SLC39A11: variants seen among roughly 807,000 people sequenced by gnomAD.
SLC39A11 encodes solute carrier family 39 member 11.
A neutral mutation model predicts 36.1 loss-of-function variants in SLC39A11; 33 were observed. The observed-to-expected ratio is 0.91, with a 90% CI of 0.69 to 1.22. The LOEUF is 1.22. Among genes scored for constraint, SLC39A11 ranks in the 50% most tolerant of loss-of-function variants. The pLI is 0.00. For missense variants in SLC39A11, 432 were observed against 430.3 expected (o/e 1.00, Z -0.03); for synonymous variants, 166 against 170.3 (o/e 0.97, Z 0.20).
chr17:72,734,294 AAGGGTCTGCTTG>A (rs753066263), intron 7 of SLC39A11, among the ~76,000 whole-genome samples: 1 of 152,146 alleles, frequency 6.6e-6, no homozygotes, highest in Non-Finnish European at 1.5e-5. Context: ...GAATGGGCTG[AAGGGTCTGCTTG>A]AGGGAATGTT....
chr17:72,668,407 G>A (rs909561416), intron 7 of SLC39A11, among the ~76,000 whole-genome samples: 3 of 152,120 alleles, frequency 2.0e-5, no homozygotes, highest in African/African-American at 7.2e-5. Context: ...GGTCTTCTGG[G>A]TGGGAGGAAG....
chr17:72,700,938 T>C (rs749521255), intron 7 of SLC39A11, among the ~76,000 whole-genome samples: 1 of 152,158 alleles, frequency 6.6e-6, no homozygotes, highest in Non-Finnish European at 1.5e-5. Context: ...ATAAGGGAAT[T>C]AGGGGAGCTA....
At chr17:72,794,700 T>A (rs1265004002) in intron 6 of SLC39A11, among the ~76,000 whole-genome samples, 2 of 152,030 alleles carry the variant, frequency 1.3e-5, no homozygotes, top group Admixed American at 1.3e-4. Context: ...CCTCTTCCCA[T>A]CTCTTCACCT....
chr17:72,934,101 C>T (rs1451572895), intron 5 of SLC39A11, among the ~76,000 whole-genome samples: 1 of 149,482 alleles, frequency 6.7e-6, no homozygotes, highest in Non-Finnish European at 1.5e-5. Context: ...AGATAGTAGA[C>T]TTAAATGTAA....
chr17:72,895,060 T>C (rs1442955524), intron 5 of SLC39A11, among the ~76,000 whole-genome samples: 2 of 150,582 alleles, frequency 1.3e-5, no homozygotes, highest in Non-Finnish European at 2.9e-5. Flanking sequence ...AGAATGTTTC[T>C]TTGGTTACTT....
intron 4 of SLC39A11, among the ~76,000 whole-genome samples, chr17:72,964,558 C>A (rs1314209643): frequency 6.6e-6 from 1 of 152,214 alleles, no homozygotes; most frequent in Non-Finnish European, 1.5e-5. Context: ...AAGTAAAAGA[C>A]TGTAAATTGG....
intron 3 of SLC39A11, among the ~76,000 whole-genome samples, chr17:73,069,999 G>A (rs1011488947): frequency 5.3e-5 from 8 of 152,330 alleles, no homozygotes; most frequent in South Asian, 4.1e-4. Context: ...GTATTGGCCC[G>A]TCTGATGGCA....
intron 5 of SLC39A11, among the ~76,000 whole-genome samples, chr17:72,913,229 G>A (rs1224801710): frequency 6.6e-6 from 1 of 152,084 alleles, no homozygotes; most frequent in East Asian, 1.9e-4. Flanking sequence ...TAAATGGGAA[G>A]CCTTGGGCAT....
At chr17:72,762,053 A>G (rs577486948) in intron 6 of SLC39A11, among the ~76,000 whole-genome samples, 21 of 152,270 alleles carry the variant, frequency 1.4e-4, no homozygotes, top group African/African-American at 5.1e-4. Context: ...TCTGATAAGG[A>G]CCCAGGAGTC....
intron 4 of SLC39A11, among the ~76,000 whole-genome samples, chr17:73,008,884 T>A (rs12452269): frequency 0.73 from 109,861 of 151,236 alleles, 43,876 homozygotes; most frequent in South Asian, 0.9. Flanking sequence ...TGAGATGCTG[T>A]CACTACAAAA....
At chr17:73,031,405 A>G (rs540664083) in intron 4 of SLC39A11, 151 bp downstream of exon 4, 6 of 806,074 alleles carry the variant, frequency 7.4e-6, no homozygotes, top group Middle Eastern at 3.6e-4. Flanking sequence ...GAAATCACCG[A>G]TCAGTTCCTC....
At chr17:72,955,748 G>A (rs943297058) in intron 4 of SLC39A11, among the ~76,000 whole-genome samples, 1 of 152,052 alleles carries the variant, frequency 6.6e-6, no homozygotes, top group African/African-American at 2.4e-5. Flanking sequence ...AAATGACAGA[G>A]GCTCCAAAAT....
intron 7 of SLC39A11, among the ~76,000 whole-genome samples, chr17:72,660,273 G>A (rs931515350): frequency 4.6e-5 from 7 of 152,202 alleles, no homozygotes; most frequent in African/African-American, 9.7e-5. Flanking sequence ...ATCAGAGGCA[G>A]CCCGAGGTCC....
intron 4 of SLC39A11, among the ~76,000 whole-genome samples, chr17:73,004,164 AAAGAAAG>A (rs1568105019): frequency 2.5e-5 from 1 of 40,342 alleles, no homozygotes; most frequent in East Asian, 8.8e-4. Context: ...AGAAGGAAAA[AAAGAAAG>A]AAAGAAAGAA....
intron 6 of SLC39A11, among the ~76,000 whole-genome samples, chr17:72,751,684 T>C (rs1335477356): frequency 6.6e-6 from 1 of 152,132 alleles, no homozygotes; most frequent in East Asian, 1.9e-4. Context: ...TTCAAGTGAT[T>C]CTTGTACCTC....
intron 3 of SLC39A11, among the ~76,000 whole-genome samples, chr17:73,038,437 G>A (rs568097409): frequency 2.6e-4 from 40 of 151,516 alleles, no homozygotes; most frequent in African/African-American, 9.7e-4. Context: ...AGTGGCTCAC[G>A]CCTGTAATCC....
intron 7 of SLC39A11, among the ~76,000 whole-genome samples, chr17:72,714,288 G>A (rs1211742852): frequency 5.9e-5 from 9 of 152,040 alleles, no homozygotes; most frequent in Admixed American, 1.3e-4. Context: ...CCTGGGAGGC[G>A]GAGGTTGCAG....
chr17:72,975,682 A>G (rs2087791997), intron 4 of SLC39A11, among the ~76,000 whole-genome samples: 1 of 152,218 alleles, frequency 6.6e-6, no homozygotes, highest in South Asian at 2.1e-4. Context: ...AGCAGCCCAA[A>G]TGGACTAAGA....
intron 5 of SLC39A11, among the ~76,000 whole-genome samples, chr17:72,896,917 G>A: frequency 6.6e-6 from 1 of 151,810 alleles, no homozygotes; most frequent in East Asian, 1.9e-4. Context: ...GCTGGGCGTG[G>A]TGGCGGGCAC....
Sources: allele counts gnomAD v4.1 joint callset (sites outside exome capture counted in the v4.1 genomes callset), GRCh38; gene constraint gnomAD v4.1.1; transcripts MANE v1.5; gene names NCBI Gene and HGNC (gene_info 2026-07-23, HGNC 2026-07-21).